Variants in GYS2 observed in about 807,000 individuals in gnomAD.
GYS2 encodes the protein glycogen synthase 2, also known as glycogen [starch] synthase, liver.
A neutral mutation model predicts 85.6 loss-of-function variants in GYS2; 80 were observed. That is an observed-to-expected ratio of 0.93 (90% CI 0.78 to 1.13). GYS2 has a LOEUF of 1.13. GYS2 is among the 50% of genes most tolerant of loss of function. GYS2 has a pLI of 0.00. For synonymous variants in GYS2, 328 were observed against 300.7 expected, an observed-to-expected ratio of 1.09 and a Z score of -0.94; for missense variants, 881 against 854.9, an observed-to-expected ratio of 1.03 and a Z score of -0.38.
chr12:21,562,223 T>C (rs1304897977), intron 7 of GYS2, among the ~76,000 whole-genome samples: 1 of 152,184 alleles, frequency 6.6e-6, no homozygotes, highest in African/African-American at 2.4e-5. Flanking sequence ...CATGCTTTCA[T>C]GTGGTGTGAC....
chr12:21,552,015 C>G (rs1591784596), intron 11 of GYS2, among the ~76,000 whole-genome samples: 1 of 152,286 alleles, frequency 6.6e-6, no homozygotes, highest in East Asian at 1.9e-4. Flanking sequence ...AAGAAAACAG[C>G]TGCTCTGGCT....
intron 14 of GYS2, 21 bp from the exon 15 acceptor site, chr12:21,539,359 C>A (rs1343072454): frequency 1.4e-6 from 2 of 1,406,828 alleles, no homozygotes; most frequent in African/African-American, 2.8e-5. Flanking sequence ...AAAGCCAAAT[C>A]ACAGGTTAAT....
At chr12:21,592,313 A>C (rs1306127163) in intron 1 of GYS2, among the ~76,000 whole-genome samples, 2 of 152,054 alleles carry the variant, frequency 1.3e-5, no homozygotes, top group East Asian at 1.9e-4. Context: ...CTTGCATGTA[A>C]ATGGATTAAA....
Position 21,540,592 on chromosome 12 carries a change from A to C in GYS2, c.1646-19T>G. 6.2e-7 allele frequency: 1 copy of C among 1,609,882 alleles called. No homozygotes were observed. The highest frequency in any genetic ancestry group is 8.5e-7 in the Non-Finnish European group (1 of 1,176,202). On this transcript the variant is annotated intron_variant, in intron 13 of 15. Transcript: ENST00000261195. The stretch of plus-strand genomic sequence containing the variant: ...TAAATACCTGAAGAACACAAAAGCC[A>C]AAGCACAAGTAAAAGTAGGACTAAC...
In GYS2 at chr12:21,539,485, A is replaced by G. The variant is rs184901677; in HGVS notation, c.1810-147T>C. 8 of 679,264 alleles carry G rather than the reference A, an allele frequency of 1.2e-5. No homozygotes were observed. The Admixed American group carries it at 1.7e-4, about 14-fold the overall frequency. The allele number at this position is 679,264 out of a possible 1,614,324, so 42.1% of individuals were successfully genotyped here. ...TCTATGCAGTCTAAGTTTGAGACTC[A>G]GGAAAGAAATTACAGTTTATAGTTT... On this transcript the variant is annotated intron_variant, in intron 14 of 15. Coordinates refer to ENST00000261195, the MANE Select transcript of GYS2 (RefSeq NM_021957.4).
At chr12:21,589,874 C>T (rs1260536835) in intron 1 of GYS2, among the ~76,000 whole-genome samples, 1 of 152,150 alleles carries the variant, frequency 6.6e-6, no homozygotes, top group African/African-American at 2.4e-5. Flanking sequence ...GAGAGCCCAA[C>T]ACCCACCAGA....
chr12:21,580,125 A>G (rs753995892), intron 2 of GYS2, among the ~76,000 whole-genome samples: 4 of 152,216 alleles, frequency 2.6e-5, no homozygotes, highest in Admixed American at 6.5e-5. Flanking sequence ...TTTACTCTGT[A>G]TCTTCTGCTG....
intron 1 of GYS2, among the ~76,000 whole-genome samples, chr12:21,598,883 T>A (rs978290896): frequency 2.0e-5 from 3 of 152,092 alleles, no homozygotes; most frequent in Non-Finnish European, 2.9e-5. Flanking sequence ...ATGTTTAGCG[T>A]GAGGACAAAG....
At chr12:21,581,549 C>T (rs1007624640) in intron 1 of GYS2, among the ~76,000 whole-genome samples, 6 of 152,206 alleles carry the variant, frequency 3.9e-5, no homozygotes, top group Non-Finnish European at 5.9e-5. Context: ...TAAAGCCCTT[C>T]CTTCTTTAAC....
intron 13 of GYS2, 79 bp from the exon 14 acceptor site, chr12:21,540,652 T>G (rs887006462): frequency 7.7e-7 from 1 of 1,290,820 alleles, no homozygotes; most frequent in African/African-American, 1.5e-5. Context: ...TTACTAACTC[T>G]TTGGTTCCAT....
chr12:21,564,927 G>T (rs781425968), intron 5 of GYS2, among the ~76,000 whole-genome samples: 28 of 152,134 alleles, frequency 1.8e-4, no homozygotes, highest in Non-Finnish European at 3.4e-4. Context: ...AACCAAAGCA[G>T]CCTGGCTCAG....
At chr12:21,565,744 C>T (rs1349450969) in intron 5 of GYS2, among the ~76,000 whole-genome samples, 3 of 151,584 alleles carry the variant, frequency 2.0e-5, no homozygotes, top group Non-Finnish European at 4.4e-5. Context: ...CACTTCCGTT[C>T]CATAATTTTT....
At position 21,576,162 on chromosome 12, in the gene GYS2, A is replaced by G. The variant is rs16924043; in HGVS notation, c.304-105T>C. ...AACTTTATGTAGTACTCAATAGCAA[A>G]TTAAACAAGCTACTTAGAAAAGAAT... On this transcript the variant is annotated intron_variant, in intron 2 of 15. Coordinates refer to ENST00000261195, the MANE Select transcript of GYS2 (RefSeq NM_021957.4). 7.1e-3 allele frequency: 6,174 copies of G among 871,634 alleles called. 276 individuals are homozygous for G. The African/African-American group carries it at 0.09, about 13-fold the overall frequency. 54.0% of individuals were successfully genotyped at this position (871,634 alleles called of 1,614,324 possible). A position where few individuals can be genotyped will look rare whatever the true frequency, so the allele number is the denominator to read the frequency against.
intron 12 of GYS2, among the ~76,000 whole-genome samples, chr12:21,544,805 G>T (rs148826600): frequency 7.6e-4 from 115 of 152,216 alleles, no homozygotes; most frequent in African/African-American, 2.4e-3. Context: ...TTTTCCCCAA[G>T]AAATTTTAAA....
At chr12:21,559,425 C>T (rs900439377) in intron 9 of GYS2, among the ~76,000 whole-genome samples, 1 of 152,122 alleles carries the variant, frequency 6.6e-6, no homozygotes, top group Non-Finnish European at 1.5e-5. Context: ...ATGAGTTCAT[C>T]ATTGAATTAG....
intron 1 of GYS2, among the ~76,000 whole-genome samples, chr12:21,596,194 C>G (rs2136933090): frequency 6.6e-6 from 1 of 152,160 alleles, no homozygotes; most frequent in East Asian, 1.9e-4. Flanking sequence ...GAATTGGTCC[C>G]CATCTTTTTG....
Position 21,540,560 on chromosome 12 carries a change from A to G in GYS2, c.1659T>C (p.Val553=). 1 of 1,613,956 alleles carries G rather than the reference A, an allele frequency of 6.2e-7. No individual in the cohort carries two copies. Among genetic ancestry groups the G allele is most frequent in the South Asian group, 1.1e-5 (1 of 91,086 alleles). ...ADPTAYGIYI[V]DRRFRSPDDS... The stretch of plus-strand genomic sequence containing the variant: ...CATCTGGAGAACGGAACCGCCTGTC[A>G]ACGATGTAAATACCTGAAGAACACA... The change falls in exon 14 of 16, where the codon GTT becomes GTC. Residue 553 remains valine, a synonymous_variant. Coordinates refer to ENST00000261195, the MANE Select transcript of GYS2 (RefSeq NM_021957.4).
chr12:21,562,971 T>C lies in GYS2; in HGVS notation c.1009A>G (p.Lys337Glu). 6.2e-7 allele frequency: 1 copy of C among 1,612,974 alleles called. No homozygotes were observed. The highest frequency in any genetic ancestry group is 2.2e-5 in the East Asian group (1 of 44,810). ...GATTCTAGGAAGATGTCAGCTCCTT[T>C]GTTTGAAAACTCATACCTCCCAGCA... ...FIAGRYEFSN[K>E]GADIFLESLS... The change falls in exon 7 of 16, where the codon AAA (lysine) becomes GAA (glutamate). Residue 337 changes from lysine (K) to glutamate (E), a missense_variant. Lys to Glu is a moderately conservative substitution (Grantham distance 56). Coordinates refer to ENST00000261195, the MANE Select transcript of GYS2 (RefSeq NM_021957.4).
At chr12:21,545,894 C>A (rs1238950590) in intron 12 of GYS2, among the ~76,000 whole-genome samples, 1 of 152,124 alleles carries the variant, frequency 6.6e-6, no homozygotes, top group Non-Finnish European at 1.5e-5. Flanking sequence ...TTACCCATTA[C>A]ATATTAAATA....
Sources: gnomAD v4.1 joint callset for allele counts (sites outside exome capture counted in the v4.1 genomes callset) on GRCh38, gnomAD v4.1.1 for gene constraint, MANE v1.5 for transcripts, NCBI Gene and HGNC (gene_info 2026-07-23, HGNC 2026-07-21) for gene names.